The following TFAP2D variants were observed in gnomAD, a reference collection of about 807,000 sequenced individuals.
TFAP2D encodes the protein transcription factor AP-2 delta.
A neutral mutation model predicts 43.6 loss-of-function variants in TFAP2D; 9 were observed. The ratio of observed to expected loss-of-function variants is 0.21; its 90% CI spans 0.12 to 0.36. TFAP2D has a LOEUF of 0.36. Ranked by LOEUF, TFAP2D falls within the 10% of genes least tolerant of loss-of-function variation. The pLI, the probability that TFAP2D is intolerant of heterozygous loss-of-function variation, is 1.00. For missense variants in TFAP2D, 513 were observed against 561.4 expected (o/e 0.91, Z 0.87); for synonymous variants, 256 against 224.9 (o/e 1.14, Z -1.24).
At chr6:50,738,019 A>C (rs1768987089) in intron 5 of TFAP2D, among the ~76,000 whole-genome samples, 1 of 152,176 alleles carries the variant, frequency 6.6e-6, no homozygotes, top group Non-Finnish European at 1.5e-5. Flanking sequence ...TTGCAAATTT[A>C]TAATCCTATT....
chr6:50,756,247 C>G (rs997471914), intron 7 of TFAP2D, among the ~76,000 whole-genome samples: 2 of 151,974 alleles, frequency 1.3e-5, no homozygotes. Flanking sequence ...AGATGAATTA[C>G]GAAGGAGACA....
intron 3 of TFAP2D, among the ~76,000 whole-genome samples, chr6:50,727,026 C>A (rs1169753817): frequency 1.3e-5 from 2 of 152,206 alleles, no homozygotes; most frequent in African/African-American, 4.8e-5. Flanking sequence ...TAACTGCGAA[C>A]AGGTTTTCAG....
chr6:50,751,323 A>G lies in TFAP2D; in HGVS notation c.1138A>G (p.Ser380Gly), dbSNP rs766216258. The change falls in exon 7 of 8, where the codon AGT (serine) becomes GGT (glycine). Residue 380 changes from serine (S) to glycine (G), a missense_variant and splice_region_variant. By Grantham distance (56) the Ser-to-Gly change is moderately conservative (BLOSUM62 0). Transcript: ENST00000008391. ...LDIQRHLTHF[S>G]LITHGFGTPA... The stretch of plus-strand genomic sequence containing the variant: ...CATCCAGAGACATTTAACACATTTC[A>G]GGTAAGACTGGTTTTCCAGTTTGCT... 1.2e-6 allele frequency: 2 copies of G among 1,604,074 alleles called. No homozygotes were observed.
chr6:50,738,439 G>A (rs1451580686), intron 5 of TFAP2D, among the ~76,000 whole-genome samples: 1 of 151,556 alleles, frequency 6.6e-6, no homozygotes, highest in Non-Finnish European at 1.5e-5. Context: ...AGTTTTAATT[G>A]CAACACTGTA....
chr6:50,772,426 A>G (rs1185204121), intron 7 of TFAP2D, among the ~76,000 whole-genome samples: 2 of 152,098 alleles, frequency 1.3e-5, no homozygotes, highest in East Asian at 1.9e-4. Flanking sequence ...GTGCATATCA[A>G]CTCTATTAAC....
chr6:50,756,950 CCT>C (rs149799322), intron 7 of TFAP2D, among the ~76,000 whole-genome samples: 1,689 of 151,810 alleles, frequency 0.011, 25 homozygotes, highest in African/African-American at 0.038. Context: ...AAAATTTTCC[CCT>C]GTTGGTCTCT....
chr6:50,716,695 G>T (rs1381214184), intron 2 of TFAP2D, among the ~76,000 whole-genome samples: 3 of 152,166 alleles, frequency 2.0e-5, no homozygotes, highest in African/African-American at 7.2e-5. Flanking sequence ...CATAGTTTTA[G>T]CTCCTTTTAG....
intron 7 of TFAP2D, among the ~76,000 whole-genome samples, chr6:50,754,973 T>A (rs1769245046): frequency 6.6e-6 from 1 of 151,950 alleles, no homozygotes; most frequent in South Asian, 2.1e-4. Context: ...GTCGTTTAAT[T>A]TGTTTATTTT....
intron 7 of TFAP2D, among the ~76,000 whole-genome samples, chr6:50,767,892 G>T (rs1452768891): frequency 1.3e-5 from 2 of 152,206 alleles, no homozygotes; most frequent in Non-Finnish European, 2.9e-5. Context: ...TTTTACAAAT[G>T]TAGCATAGAC....
At chr6:50,739,312 A>C (rs934595466) in intron 5 of TFAP2D, among the ~76,000 whole-genome samples, 2 of 152,134 alleles carry the variant, frequency 1.3e-5, no homozygotes, top group African/African-American at 4.8e-5. Context: ...ATGAGTGAGA[A>C]CATGTGGTGT....
intron 3 of TFAP2D, among the ~76,000 whole-genome samples, chr6:50,724,831 G>A (rs1269097973): frequency 6.6e-6 from 1 of 152,112 alleles, no homozygotes; most frequent in South Asian, 2.1e-4. Context: ...CCCTGCAACG[G>A]GGTAGTTGTT....
chr6:50,726,140 G>A (rs1768804190), intron 3 of TFAP2D, among the ~76,000 whole-genome samples: 1 of 152,166 alleles, frequency 6.6e-6, no homozygotes. Flanking sequence ...CAGGGAGTTA[G>A]CACGTGGGTA....
At chr6:50,766,730 G>T (rs1239099238) in intron 7 of TFAP2D, among the ~76,000 whole-genome samples, 1 of 133,610 alleles carries the variant, frequency 7.5e-6, no homozygotes, top group South Asian at 2.6e-4. Flanking sequence ...CTGCAGTGGC[G>T]CAATCTCGGC....
In TFAP2D at chr6:50,739,299, C is replaced by T. The variant is rs1255452093; in HGVS notation, c.884-5808C>T. Among the ~76,000 whole-genome samples, 4 of 152,080 alleles carry T rather than the reference C, an allele frequency of 2.6e-5. No homozygotes were observed. The South Asian group carries it at 6.2e-4, about 24-fold the overall frequency. ...AAGTGTTCTCATTGTTCAATTCCCA[C>T]CTATGAGTGAGAACATGTGGTGTTT... is the stretch of plus-strand genomic sequence containing the variant. On this transcript the variant is annotated intron_variant, in intron 5 of 7. Transcript: ENST00000008391.
chr6:50,748,686 AAAACG>A (rs1769158797), intron 6 of TFAP2D, among the ~76,000 whole-genome samples: 1 of 151,962 alleles, frequency 6.6e-6, no homozygotes, highest in African/African-American at 2.4e-5. Flanking sequence ...TGAATCAGAC[AAAACG>A]TGTTTATTTG....
rs1199859189 is a variant in TFAP2D, at chr6:50,772,892, G to A, written c.*28G>A. ...ACATCAAACAGAATCTATTTCCAGA[G>A]AGTCTTGCTGCTGATATTTTTTCTA... On this transcript the variant is annotated 3_prime_UTR_variant, in exon 8 of 8. Coordinates refer to ENST00000008391, the MANE Select transcript of TFAP2D (RefSeq NM_172238.4). 7 of 1,578,054 alleles carry A rather than the reference G, an allele frequency of 4.4e-6. No homozygotes were observed. In the South Asian group the frequency reaches 4.6e-5, roughly 10 times the overall value.
chr6:50,771,395 C>T (rs1174815000), intron 7 of TFAP2D, among the ~76,000 whole-genome samples: 1 of 152,146 alleles, frequency 6.6e-6, no homozygotes, highest in Admixed American at 6.5e-5. Context: ...AAACTCACTG[C>T]AAAAGAAGCT....
chr6:50,723,290 C>T (rs1192101282), intron 3 of TFAP2D, among the ~76,000 whole-genome samples: 1 of 152,224 alleles, frequency 6.6e-6, no homozygotes, highest in Non-Finnish European at 1.5e-5. Flanking sequence ...GCCTCAAGGC[C>T]GGCAGCAGGC....
At chr6:50,718,944 C>T (rs1768670797) in intron 2 of TFAP2D, 146 bp from the exon 3 acceptor site, 3 of 722,548 alleles carry the variant, frequency 4.2e-6, no homozygotes, top group African/African-American at 1.8e-5. Context: ...ATTGTGTTTG[C>T]TGGCAAGCTT....
Sources: allele counts gnomAD v4.1 joint callset (sites outside exome capture counted in the v4.1 genomes callset), GRCh38; gene constraint gnomAD v4.1.1; transcripts MANE v1.5; gene names NCBI Gene and HGNC (gene_info 2026-07-23, HGNC 2026-07-21).